Variants in SERHL2 observed in about 807,000 individuals in gnomAD.
SERHL2 encodes the protein serine hydrolase like 2, also known as serine hydrolase-like protein 2.
Under a neutral mutation model 25.5 loss-of-function variants are expected in SERHL2, and 29 were observed. The ratio of observed to expected loss-of-function variants is 1.14; its 90% CI spans 0.85 to 1.55. The LOEUF is 1.55. SERHL2 is among the 40% of genes most tolerant of loss of function. SERHL2 has a pLI of 0.00. For missense variants in SERHL2, 240 were observed against 252.3 expected, an observed-to-expected ratio of 0.95 and a Z score of 0.33; for synonymous variants, 95 against 103.5, an observed-to-expected ratio of 0.92 and a Z score of 0.50.
rs149163426 is a variant in SERHL2 at position 42,562,546 on chromosome 22, C to T, written c.613+2281C>T. Among the ~76,000 whole-genome samples, 896 of 151,722 alleles carry T rather than the reference C, an allele frequency of 5.9e-3. 13 individuals carry two copies. The highest frequency in any genetic ancestry group is 0.021 in the African/African-American group (859 of 41,418). On this transcript the variant is annotated intron_variant, in intron 8 of 11. Transcript: ENST00000327678. ...TGAGAAGGGGAGGGCTCGTGGAGGA[C>T]GCAGAGTGGGGAGGGCAGCGAGCAT...
At chr22:42,560,310 T>C in intron 8 of SERHL2, 45 bp downstream of exon 8, 1 of 1,434,300 alleles carries the variant, frequency 7.0e-7, no homozygotes, top group Non-Finnish European at 9.8e-7. Flanking sequence ...TTGTCACTAT[T>C]CTTACCGAGG....
At chr22:42,572,600 C>G (rs993466052) in intron 11 of SERHL2, 71 bp downstream of exon 11, 10 of 1,574,440 alleles carry the variant, frequency 6.4e-6, no homozygotes, top group Admixed American at 5.3e-5. Flanking sequence ...CCCATCTCTT[C>G]TCATGCACTG....
intron 9 of SERHL2, among the ~76,000 whole-genome samples, chr22:42,570,422 T>TA (rs1924005196): frequency 6.6e-6 from 1 of 151,948 alleles, no homozygotes; most frequent in Non-Finnish European, 1.5e-5. Flanking sequence ...CGGTCTCAAA[T>TA]AAATAAGGCT....
At chr22:42,559,130 C>T (rs1922345762) in intron 7 of SERHL2, among the ~76,000 whole-genome samples, 1 of 100,178 alleles carries the variant, frequency 1.0e-5, no homozygotes, top group Non-Finnish European at 1.8e-5. Flanking sequence ...CGCAGTGGCT[C>T]ACACCTGTAA....
At chr22:42,573,896 C>T (rs1924627233) in intron 11 of SERHL2, 40 bp from the exon 12 acceptor site, 1 of 1,591,226 alleles carries the variant, frequency 6.3e-7, no homozygotes, top group Non-Finnish European at 8.6e-7. Context: ...CCCTAGGCTC[C>T]TCTGGCCACA....
chr22:42,556,975 C>G (rs1922221551), intron 6 of SERHL2, among the ~76,000 whole-genome samples: 1 of 53,090 alleles, frequency 1.9e-5, no homozygotes, highest in Non-Finnish European at 3.3e-5. Context: ...CATTGCACCA[C>G]CACACATGAC....
chr22:42,559,430 G>A (rs1922389215), intron 7 of SERHL2, among the ~76,000 whole-genome samples: 2 of 150,998 alleles, frequency 1.3e-5, no homozygotes, highest in African/African-American at 2.4e-5. Context: ...GTCCAGGCAC[G>A]GTGGCTCATG....
rs573377671 is a variant in SERHL2, at chr22:42,571,373, G to A, written c.731+170G>A. ...CCTGGCAGCAGGGTCATGGAAGGAG[G>A]AAGGTCAGAGGAGGGGAGGGCTCGG... On this transcript the variant is annotated intron_variant, in intron 10 of 11. Coordinates refer to ENST00000327678, the MANE Select transcript of SERHL2 (RefSeq NM_014509.5). 7.6e-5 allele frequency: 110 copies of A among 1,448,970 alleles called. 2 individuals are homozygous for A. Among genetic ancestry groups the A allele is most frequent in the Middle Eastern group, 5.0e-4 (2 of 4,018 alleles). The allele number at this position is 1,448,970 out of a possible 1,614,324, so 89.8% of individuals were successfully genotyped here.
At chr22:42,570,581 C>T (rs1209104859) in intron 9 of SERHL2, among the ~76,000 whole-genome samples, 1 of 152,204 alleles carries the variant, frequency 6.6e-6, no homozygotes, top group East Asian at 1.9e-4. Context: ...GGCCACATCC[C>T]TGCCATCCAG....
intron 7 of SERHL2, among the ~76,000 whole-genome samples, chr22:42,559,466 C>T (rs916468531): frequency 3.3e-5 from 5 of 151,410 alleles, no homozygotes; most frequent in African/African-American, 7.3e-5. Flanking sequence ...CTTTGGAAGG[C>T]GGAGGTGGGC....
In SERHL2 at chr22:42,556,130, G is replaced by A. The variant is rs1601827755; in HGVS notation, c.348+47G>A. 3.8e-6 allele frequency: 2 copies of A among 530,524 alleles called. 1 individual carries two copies. Among genetic ancestry groups the A allele is most frequent in the Non-Finnish European group, 6.5e-6 (2 of 307,188 alleles). The allele number at this position is 530,524 out of a possible 1,614,324, so 32.9% of individuals were successfully genotyped here. On this transcript the variant is annotated intron_variant, in intron 5 of 11. Coordinates refer to ENST00000327678, the MANE Select transcript of SERHL2 (RefSeq NM_014509.5). Reference sequence around the variant, plus strand: ...GCCAACTGGGGCTCCCTTGGGTGGAGTGGGGAGGGGAGCACAAAGGAGGAA... The same window carrying A: ...GCCAACTGGGGCTCCCTTGGGTGGAATGGGGAGGGGAGCACAAAGGAGGAA...
At chr22:42,556,376 AT>A in intron 5 of SERHL2, 137 bp from the exon 6 acceptor site, 1 of 667,644 alleles carries the variant, frequency 1.5e-6, no homozygotes, top group Non-Finnish European at 2.6e-6. Flanking sequence ...TAGATAGAAG[AT>A]TCTCCTCTGG....
In SERHL2 at chr22:42,554,071, C is replaced by T. The variant is rs374779700; in HGVS notation, c.22+29C>T. On this transcript the variant is annotated intron_variant, in intron 1 of 11. Coordinates refer to ENST00000327678, the MANE Select transcript of SERHL2 (RefSeq NM_014509.5). ...TGACGGGGAGGCCTTGTGCGAGCGT[C>T]CCACTGCCCACCCACCTGGTTGGGA... 2.2e-4 allele frequency: 350 copies of T among 1,610,818 alleles called. 1 individual carries two copies. The highest frequency in any genetic ancestry group is 2.8e-4 in the Non-Finnish European group (330 of 1,178,500).
intron 11 of SERHL2, chr22:42,573,581 G>A (rs1482273641): frequency 4.2e-6 from 1 of 239,852 alleles, no homozygotes; most frequent in Non-Finnish European, 8.1e-6. Context: ...CTTGAAGGCA[G>A]ACACAAGTCT....
At chr22:42,564,375 CCTGT>C (rs572501854) in intron 8 of SERHL2, among the ~76,000 whole-genome samples, 4 of 151,698 alleles carry the variant, frequency 2.6e-5, no homozygotes, top group South Asian at 4.2e-4. Flanking sequence ...TCTCTGACTG[CCTGT>C]CTATGATCTT....
intron 9 of SERHL2, among the ~76,000 whole-genome samples, chr22:42,570,515 G>A (rs1025815095): frequency 6.6e-6 from 1 of 152,210 alleles, no homozygotes; most frequent in African/African-American, 2.4e-5. Flanking sequence ...TATTTTGCAT[G>A]CTAAGTTTTC....
At chr22:42,566,371 G>T in intron 9 of SERHL2, 33 bp downstream of exon 9, 1 of 1,607,988 alleles carries the variant, frequency 6.2e-7, no homozygotes, top group African/African-American at 1.3e-5. Flanking sequence ...CCCCCGCCAA[G>T]GTTTGCCTGT....
At chr22:42,559,555 A>G (rs1159663841) in intron 7 of SERHL2, among the ~76,000 whole-genome samples, 1 of 151,648 alleles carries the variant, frequency 6.6e-6, no homozygotes, top group Non-Finnish European at 1.5e-5. Context: ...ACAAAAAATT[A>G]GCCAAGCGTG....
At chr22:42,570,499 T>C (rs1487889824) in intron 9 of SERHL2, among the ~76,000 whole-genome samples, 2 of 152,202 alleles carry the variant, frequency 1.3e-5, no homozygotes, top group Admixed American at 1.3e-4. Context: ...TAAAGCTTGA[T>C]TGCATTATTT....
Sources: gnomAD v4.1 joint callset for allele counts (sites outside exome capture counted in the v4.1 genomes callset) on GRCh38, gnomAD v4.1.1 for gene constraint, MANE v1.5 for transcripts, NCBI Gene and HGNC (gene_info 2026-07-23, HGNC 2026-07-21) for gene names.